Variants in COPS2 observed in about 807,000 individuals in gnomAD.
COPS2 encodes the protein COP9 signalosome complex subunit 2.
In COPS2, 10 loss-of-function variants were observed where a neutral mutation model predicts 66.1. That is an observed-to-expected ratio of 0.15 (90% CI 0.09 to 0.26). COPS2 has a LOEUF of 0.26. COPS2 is among the 10% of genes least tolerant of loss of function. The probability of loss-of-function intolerance (pLI) is 1.00; values close to 1 mark genes in which losing one functional copy is unlikely to be tolerated. For synonymous variants in COPS2, 179 were observed against 171.3 expected (o/e 1.04, Z -0.35); for missense variants, 215 against 513.3 (o/e 0.42, Z 5.62).
At chr15:49,145,514 T>C (rs1286020048) in intron 1 of COPS2, among the ~76,000 whole-genome samples, 2 of 152,186 alleles carry the variant, frequency 1.3e-5, no homozygotes, top group African/African-American at 4.8e-5. Flanking sequence ...AATTTCATTA[T>C]TGTAACACGG....
At chr15:49,141,294 T>G (rs1419272861) in intron 3 of COPS2, among the ~76,000 whole-genome samples, 1 of 152,102 alleles carries the variant, frequency 6.6e-6, no homozygotes, top group Non-Finnish European at 1.5e-5. Context: ...TCCAGGAGTT[T>G]GAGACCAGCC....
chr15:49,139,444 G>A, intron 4 of COPS2, 84 bp downstream of exon 4: 2 of 1,066,442 alleles, frequency 1.9e-6, no homozygotes, highest in South Asian at 2.8e-5. Flanking sequence ...AGAAGCTCTA[G>A]GCCTTTCCAT....
Position 49,133,806 on chromosome 15 carries a change from C to T in COPS2, c.900G>A (p.Lys300=). 1 of 1,598,648 alleles carries T rather than the reference C, an allele frequency of 6.3e-7. No individual in the cohort carries two copies. Among genetic ancestry groups the T allele is most frequent in the South Asian group, 1.1e-5 (1 of 87,198 alleles). The change falls in exon 9 of 13, where the codon AAG becomes AAA. Residue 300 remains lysine, a synonymous_variant. Transcript: ENST00000388901. ...AAATTTCTGGATCATTTTTGTACGG[C>T]TTGGCCTAAACACAGTAAAGAAAAA... ...GINPFDSQEA[K]PYKNDPEILA...
intron 12 of COPS2, among the ~76,000 whole-genome samples, chr15:49,128,392 C>T (rs766892195): frequency 6.6e-6 from 1 of 152,160 alleles, no homozygotes. Context: ...AAGTAAGATA[C>T]AATTTCAAAA....
intron 9 of COPS2, among the ~76,000 whole-genome samples, chr15:49,133,387 T>C (rs187346531): frequency 6.6e-6 from 1 of 152,370 alleles, no homozygotes; most frequent in East Asian, 1.9e-4. Context: ...CTGAAAATTC[T>C]TGACTCATCT....
At chr15:49,136,294 G>A (rs560775409) in intron 6 of COPS2, among the ~76,000 whole-genome samples, 1 of 152,112 alleles carries the variant, frequency 6.6e-6, no homozygotes, top group East Asian at 1.9e-4. Context: ...TGATGTATTT[G>A]GTTAAGACAA....
intron 9 of COPS2, among the ~76,000 whole-genome samples, chr15:49,131,603 T>C (rs1266995909): frequency 1.3e-5 from 2 of 151,980 alleles, no homozygotes; most frequent in Non-Finnish European, 2.9e-5. Context: ...AACCTCATAT[T>C]AGGGGCACGT....
At position 49,150,960 on chromosome 15, in the gene COPS2, G is replaced by A. The variant is rs539138090; in HGVS notation, c.54+4565C>T. On this transcript the variant is annotated intron_variant, in intron 1 of 12. Transcript: ENST00000388901. ...TATTAAGACAAGAAGAACAATACTAGTAAACATTTATCCCCTAATCCCAAC... is the reference window on the plus strand; with the variant it reads ...TATTAAGACAAGAAGAACAATACTAATAAACATTTATCCCCTAATCCCAAC... Among the ~76,000 whole-genome samples the A allele has an allele frequency of 2.6e-5, 4 of 152,180 alleles. No individual in the cohort carries two copies. The South Asian group carries it at 8.3e-4, about 32-fold the overall frequency.
chr15:49,133,742 G>T lies in COPS2; in HGVS notation c.947+17C>A. The T allele has an allele frequency of 1.3e-6, 2 of 1,572,280 alleles. No individual in the cohort carries two copies. The highest frequency in any genetic ancestry group is 1.2e-5 in the South Asian group (1 of 85,674). On this transcript the variant is annotated intron_variant, in intron 9 of 12. Transcript: ENST00000388901. The stretch of plus-strand genomic sequence containing the variant: ...TGCTTTAAGGAAATTTACCTTAACT[G>T]AAATACAAAATCTTACCTTACTAAA...
intron 3 of COPS2, 127 bp downstream of exon 3, chr15:49,144,100 G>T: frequency 1.4e-6 from 1 of 689,768 alleles, no homozygotes; most frequent in South Asian, 1.7e-5. Context: ...CCCAACTGCA[G>T]AGCAGACTAA....
chr15:49,147,375 T>G (rs1336510155), intron 1 of COPS2, among the ~76,000 whole-genome samples: 1 of 152,134 alleles, frequency 6.6e-6, no homozygotes, highest in Non-Finnish European at 1.5e-5. Context: ...GTCCATTTAT[T>G]TTTGGTTTCT....
chr15:49,128,228 T>C, intron 12 of COPS2, 134 bp from the exon 13 acceptor site: 1 of 726,098 alleles, frequency 1.4e-6, no homozygotes, highest in Non-Finnish European at 2.2e-6. Flanking sequence ...AGTTCAGTGT[T>C]AGTTTTAACT....
intron 1 of COPS2, among the ~76,000 whole-genome samples, chr15:49,152,913 T>TAA (rs989495284): frequency 3.3e-5 from 5 of 152,204 alleles, no homozygotes; most frequent in African/African-American, 1.2e-4. Context: ...ATGACCAAGT[T>TAA]AAAACACTGT....
At chr15:49,149,186 AT>A (rs2141133520) in intron 1 of COPS2, among the ~76,000 whole-genome samples, 1 of 152,300 alleles carries the variant, frequency 6.6e-6, no homozygotes, top group South Asian at 2.1e-4. Flanking sequence ...ATGTCCTGTT[AT>A]TTCCCCCAAG....
At position 49,128,036 on chromosome 15, in the gene COPS2, T is replaced by C. The variant is rs765813477; in HGVS notation, c.1246A>G (p.Arg416Gly). Residue 416 changes from arginine to glycine, a missense_variant, in exon 13 of 13, where the codon AGG becomes GGG. This residue lies in a region of COPS2 where 42 missense variants were observed against 55.9 expected (regional missense o/e 0.75). Coordinates refer to ENST00000388901, the MANE Select transcript of COPS2 (RefSeq NM_004236.4). ...AGTGCAGTATATCGTGCACCACCCC[T>C]CTTCTGATGATCCAGTTCAAGGAGT... ...NQLLELDHQKRGGARYTALDK... is the reference protein window; with the variant it reads ...NQLLELDHQKGGGARYTALDK... 8 of 1,613,820 alleles carry C rather than the reference T, an allele frequency of 5.0e-6. No homozygotes were observed. Among genetic ancestry groups the C allele is most frequent in the Admixed American group, 3.3e-5 (2 of 59,988 alleles).
chr15:49,134,703 C>T (rs1386084455), intron 6 of COPS2, among the ~76,000 whole-genome samples, 189 bp from the exon 7 acceptor site: 1 of 152,108 alleles, frequency 6.6e-6, no homozygotes, highest in African/African-American at 2.4e-5. Flanking sequence ...ATCCTTTCTA[C>T]TTTTTAGTTA....
intron 6 of COPS2, among the ~76,000 whole-genome samples, chr15:49,134,824 G>A (rs940607577): frequency 6.6e-6 from 1 of 152,164 alleles, no homozygotes; most frequent in African/African-American, 2.4e-5. Flanking sequence ...ATAGTAGTAT[G>A]TTTTTTCCTA....
chr15:49,154,285 C>G (rs2084389810), intron 1 of COPS2, among the ~76,000 whole-genome samples: 1 of 152,044 alleles, frequency 6.6e-6, no homozygotes, highest in African/African-American at 2.4e-5. Flanking sequence ...GAAGTCACTG[C>G]CTACAACTGG....
chr15:49,155,497 C>T, intron 1 of COPS2, 28 bp downstream of exon 1: 1 of 1,612,506 alleles, frequency 6.2e-7, no homozygotes, highest in Non-Finnish European at 8.5e-7. Context: ...ACATCACCAC[C>T]CTCAGAGTTC....
Sources: gnomAD v4.1 joint callset for allele counts (sites outside exome capture counted in the v4.1 genomes callset) on GRCh38, gnomAD v4.1.1 for gene constraint, gnomAD v4.1.1 regional missense constraint, MANE v1.5 for transcripts, NCBI Gene and HGNC (gene_info 2026-07-23, HGNC 2026-07-21) for gene names.